The following KCNH7 variants were observed in gnomAD, a reference collection of about 807,000 sequenced individuals.
KCNH7 encodes voltage-gated inwardly rectifying potassium channel KCNH7.
In KCNH7, 49 loss-of-function variants were observed where a neutral mutation model predicts 120.8. The observed-to-expected ratio is 0.41, with a 90% confidence interval of 0.32 to 0.51. The LOEUF is 0.51. Among genes scored for constraint, KCNH7 ranks in the 20% least tolerant of loss-of-function variants. The pLI is 0.38. For synonymous variants in KCNH7, 547 were observed against 516.1 expected (o/e 1.06, Z -0.81); for missense variants, 1,097 against 1,446.6 (o/e 0.76, Z 3.92).
At chr2:162,560,774 T>G (rs1693034000) in intron 2 of KCNH7, among the ~76,000 whole-genome samples, 1 of 152,232 alleles carries the variant, frequency 6.6e-6, no homozygotes, top group Non-Finnish European at 1.5e-5. Flanking sequence ...GAACTGTATA[T>G]TCAAAATAAA....
intron 8 of KCNH7, among the ~76,000 whole-genome samples, chr2:162,430,033 T>A (rs1024747786): frequency 6.6e-6 from 1 of 151,926 alleles, no homozygotes; most frequent in Non-Finnish European, 1.5e-5. Flanking sequence ...TCTTCAATGC[T>A]TGTAACTTTT....
intron 2 of KCNH7, among the ~76,000 whole-genome samples, chr2:162,576,826 G>A (rs1693685141): frequency 6.6e-6 from 1 of 151,978 alleles, no homozygotes; most frequent in African/African-American, 2.4e-5. Flanking sequence ...ATTAGATCTG[G>A]TAGAACTATG....
chr2:162,539,600 T>C (rs886363377), intron 2 of KCNH7, among the ~76,000 whole-genome samples: 6 of 147,572 alleles, frequency 4.1e-5, no homozygotes, highest in African/African-American at 1.3e-4. Flanking sequence ...TTACTAAAAA[T>C]CATAGTACTA....
At chr2:162,623,183 A>G (rs1323856729) in intron 2 of KCNH7, among the ~76,000 whole-genome samples, 4 of 152,188 alleles carry the variant, frequency 2.6e-5, no homozygotes. Context: ...ACATTAATCT[A>G]GAAAAGTTGA....
chr2:162,394,620 T>A (rs1686850556), intron 11 of KCNH7, 135 bp from the exon 12 acceptor site: 1 of 601,698 alleles, frequency 1.7e-6, no homozygotes, highest in East Asian at 2.8e-5. Context: ...GGCAAACAGC[T>A]AAAATACCTT....
chr2:162,470,796 A>C (rs1374152867), intron 6 of KCNH7, among the ~76,000 whole-genome samples: 2 of 152,176 alleles, frequency 1.3e-5, no homozygotes, highest in East Asian at 3.9e-4. Context: ...GGTTTTGTGG[A>C]ATAGAGGAGG....
intron 2 of KCNH7, among the ~76,000 whole-genome samples, chr2:162,822,470 A>G (rs1255380292): frequency 6.6e-6 from 1 of 152,066 alleles, no homozygotes; most frequent in African/African-American, 2.4e-5. Context: ...ATATCACACA[A>G]TGTGTATGTT....
chr2:162,404,429 A>C (rs1687149186), intron 9 of KCNH7, among the ~76,000 whole-genome samples: 1 of 151,918 alleles, frequency 6.6e-6, no homozygotes, highest in Non-Finnish European at 1.5e-5. Flanking sequence ...TGTCCCATCC[A>C]TCTCATGTTG....
intron 2 of KCNH7, among the ~76,000 whole-genome samples, chr2:162,770,522 C>T (rs1430048515): frequency 6.6e-6 from 1 of 151,852 alleles, no homozygotes; most frequent in Non-Finnish European, 1.5e-5. Flanking sequence ...TTTGAGCATC[C>T]GTTTCATAAA....
chr2:162,713,067 G>A (rs953159764), intron 2 of KCNH7, among the ~76,000 whole-genome samples: 2 of 152,114 alleles, frequency 1.3e-5, no homozygotes, highest in African/African-American at 4.8e-5. Flanking sequence ...TGAGATTACA[G>A]GCACCCACCA....
At chr2:162,712,515 C>T (rs912696859) in intron 2 of KCNH7, among the ~76,000 whole-genome samples, 1 of 152,032 alleles carries the variant, frequency 6.6e-6, no homozygotes, top group Non-Finnish European at 1.5e-5. Context: ...TACAGTTATT[C>T]GTCTAAACTC....
At position 162,491,812 on chromosome 2, in the gene KCNH7, T is replaced by C. The variant is rs201381631; in HGVS notation, c.1128+12631A>G. Among the ~76,000 whole-genome samples, 4 of 152,328 alleles carry C rather than the reference T, an allele frequency of 2.6e-5. No homozygotes were observed. The East Asian group carries it at 5.8e-4, about 22-fold the overall frequency. ...GATGCCTTTTTCCCCTCTTTCTAGA[T>C]GGGTAGCCATTCATCTTCAGTCTGT... On this transcript the variant is annotated intron_variant, in intron 6 of 15. Transcript: ENST00000332142.
intron 5 of KCNH7, among the ~76,000 whole-genome samples, chr2:162,505,396 C>T (rs1690837539): frequency 6.6e-6 from 1 of 151,636 alleles, no homozygotes; most frequent in Admixed American, 6.6e-5. Flanking sequence ...AAGACTAATG[C>T]TCTGGCAAAC....
chr2:162,477,928 C>A (rs112143224), intron 6 of KCNH7, among the ~76,000 whole-genome samples: 1 of 148,744 alleles, frequency 6.7e-6, no homozygotes, highest in Non-Finnish European at 1.5e-5. Context: ...AGACACAGCC[C>A]CTGTCCTCAT....
At chr2:162,497,737 C>T (rs1690542770) in intron 6 of KCNH7, among the ~76,000 whole-genome samples, 1 of 152,134 alleles carries the variant, frequency 6.6e-6, no homozygotes, top group Admixed American at 6.6e-5. Context: ...CTATGAAATG[C>T]ATATGGATAA....
chr2:162,673,443 A>G (rs13005779), intron 2 of KCNH7, among the ~76,000 whole-genome samples: 2,095 of 152,102 alleles, frequency 0.014, 22 homozygotes, highest in South Asian at 0.035. Flanking sequence ...TCTAGTCACA[A>G]TAATTTATTC....
At chr2:162,744,794 C>T (rs1688259003) in intron 2 of KCNH7, among the ~76,000 whole-genome samples, 4 of 151,988 alleles carry the variant, frequency 2.6e-5, no homozygotes, top group Non-Finnish European at 4.4e-5. Flanking sequence ...AGGATGGTCT[C>T]GGTCTCCTGA....
At chr2:162,469,590 C>A (rs1180955210) in intron 6 of KCNH7, among the ~76,000 whole-genome samples, 1 of 152,128 alleles carries the variant, frequency 6.6e-6, no homozygotes, top group African/African-American at 2.4e-5. Context: ...ACTATCAAAG[C>A]CCGGTGGGGT....
At chr2:162,499,070 G>A (rs111748791) in intron 6 of KCNH7, among the ~76,000 whole-genome samples, 19 of 151,966 alleles carry the variant, frequency 1.3e-4, no homozygotes, top group East Asian at 3.9e-4. Context: ...TTAACTATTC[G>A]GATACTCATA....
Sources: allele counts gnomAD v4.1 joint callset (sites outside exome capture counted in the v4.1 genomes callset), GRCh38; gene constraint gnomAD v4.1.1; transcripts MANE v1.5; gene names NCBI Gene and HGNC (gene_info 2026-07-23, HGNC 2026-07-21).